Variants in CPA6 observed in about 807,000 individuals in gnomAD.
CPA6 encodes the protein carboxypeptidase A6.
CPA6 carries 58 observed loss-of-function variants against 63.3 expected under a neutral mutation model. The ratio of observed to expected loss-of-function variants is 0.92; its 90% confidence interval spans 0.74 to 1.14. The LOEUF (loss-of-function observed/expected upper bound fraction) is 1.14. CPA6 is among the 50% of genes most tolerant of loss of function. The pLI, the probability that CPA6 is intolerant of heterozygous loss-of-function variation, is 0.00. For missense variants in CPA6, 565 were observed against 526.6 expected (o/e 1.07, Z -0.71); for synonymous variants, 185 against 179.0 (o/e 1.03, Z -0.27).
At chr8:67,487,619 G>C (rs917804725) in intron 6 of CPA6, among the ~76,000 whole-genome samples, 1 of 152,204 alleles carries the variant, frequency 6.6e-6, no homozygotes, top group Non-Finnish European at 1.5e-5. Flanking sequence ...GATCCTTGAG[G>C]AATCGCCACA....
chr8:67,475,829 TTCTTTCTTTC>T (rs1811185227), intron 8 of CPA6, among the ~76,000 whole-genome samples: 1 of 65,196 alleles, frequency 1.5e-5, no homozygotes, highest in Non-Finnish European at 2.9e-5. Flanking sequence ...TTTCTTTTCT[TTCTTTCTTTC>T]TTTCTTTCTT....
At chr8:67,515,652 C>T (rs550228997) in intron 3 of CPA6, among the ~76,000 whole-genome samples, 37 of 152,270 alleles carry the variant, frequency 2.4e-4, no homozygotes, top group African/African-American at 8.4e-4. Flanking sequence ...GTTCCTGCCC[C>T]AGAAGTACAT....
chr8:67,445,303 G>A (rs1810387008), intron 8 of CPA6, among the ~76,000 whole-genome samples: 1 of 152,122 alleles, frequency 6.6e-6, no homozygotes, highest in Admixed American at 6.5e-5. Flanking sequence ...AGAGGGATTT[G>A]ATACGAGAAA....
At chr8:67,568,294 G>A (rs1813393451) in intron 2 of CPA6, among the ~76,000 whole-genome samples, 1 of 152,086 alleles carries the variant, frequency 6.6e-6, no homozygotes, top group Non-Finnish European at 1.5e-5. Context: ...AAAAAACAAT[G>A]AGAAAGCTCC....
chr8:67,736,458 T>C (rs561028820), intron 1 of CPA6, among the ~76,000 whole-genome samples: 1 of 152,338 alleles, frequency 6.6e-6, no homozygotes, highest in South Asian at 2.1e-4. Context: ...ATGAATGATG[T>C]CCTGAATGGC....
intron 8 of CPA6, 114 bp from the exon 9 acceptor site, chr8:67,434,354 A>C: frequency 4.9e-6 from 4 of 814,358 alleles, no homozygotes; most frequent in South Asian, 1.8e-5. Flanking sequence ...ATATGGTATT[A>C]TTAAGCAATT....
At chr8:67,600,043 G>GA (rs1814452685) in intron 2 of CPA6, among the ~76,000 whole-genome samples, 1 of 151,462 alleles carries the variant, frequency 6.6e-6, no homozygotes, top group Non-Finnish European at 1.5e-5. Flanking sequence ...ATGGCACAAG[G>GA]CAATACTTTT....
At chr8:67,462,059 G>A (rs761691795) in intron 8 of CPA6, among the ~76,000 whole-genome samples, 4 of 151,308 alleles carry the variant, frequency 2.6e-5, no homozygotes, top group Non-Finnish European at 5.9e-5. Context: ...TTTTTGAATG[G>A]CCAATGGACA....
At chr8:67,489,225 A>G (rs1046595344) in intron 6 of CPA6, among the ~76,000 whole-genome samples, 10 of 152,094 alleles carry the variant, frequency 6.6e-5, no homozygotes, top group Non-Finnish European at 1.2e-4. Flanking sequence ...GATTACAGGC[A>G]TGAGCTACCA....
chr8:67,513,622 T>C (rs928996893), intron 3 of CPA6, among the ~76,000 whole-genome samples: 14 of 152,296 alleles, frequency 9.2e-5, no homozygotes, highest in African/African-American at 3.1e-4. Context: ...CCCAGGTCTC[T>C]GTTCAGTAAC....
chr8:67,465,392 C>A lies in CPA6; in HGVS notation c.838+18376G>T, dbSNP rs1329255790. Among the ~76,000 whole-genome samples, 4 of 152,090 alleles carry A rather than the reference C, an allele frequency of 2.6e-5. No homozygotes were observed. In the East Asian group the frequency reaches 7.7e-4, roughly 29 times the overall value. ...GAAGTCGTTTATCAGTTCCAGGATG[C>A]TTTTGGTAGAGTCTTTAGAGTTTTC... On this transcript the variant is annotated intron_variant, in intron 8 of 10. Transcript: ENST00000297770.
At chr8:67,674,398 C>T (rs1458302073) in intron 1 of CPA6, among the ~76,000 whole-genome samples, 2 of 152,228 alleles carry the variant, frequency 1.3e-5, no homozygotes, top group Non-Finnish European at 2.9e-5. Flanking sequence ...AACTGAAAAA[C>T]TACTCTTGTC....
At chr8:67,705,662 C>G (rs923468475) in intron 1 of CPA6, among the ~76,000 whole-genome samples, 1 of 152,124 alleles carries the variant, frequency 6.6e-6, no homozygotes, top group African/African-American at 2.4e-5. Flanking sequence ...CTTTAATAGC[C>G]CTGTTTCTCC....
At chr8:67,475,852 TTTCTTTC>T (rs1811192956) in intron 8 of CPA6, among the ~76,000 whole-genome samples, 1 of 97,824 alleles carries the variant, frequency 1.0e-5, no homozygotes, top group African/African-American at 4.3e-5. Context: ...TCTTTCTTTC[TTTCTTTC>T]TTTCTTTCTT....
At chr8:67,431,241 T>C (rs147000033) in intron 9 of CPA6, among the ~76,000 whole-genome samples, 32 of 151,970 alleles carry the variant, frequency 2.1e-4, no homozygotes, top group African/African-American at 6.5e-4. Flanking sequence ...CATTCTCATA[T>C]GATAATTTTT....
chr8:67,432,784 C>G (rs149819120), intron 9 of CPA6, among the ~76,000 whole-genome samples: 50 of 152,242 alleles, frequency 3.3e-4, no homozygotes, highest in Non-Finnish European at 3.8e-4. Flanking sequence ...CTTAAATGAA[C>G]AGGTGATAGT....
chr8:67,444,752 A>G (rs1810375531), intron 8 of CPA6, among the ~76,000 whole-genome samples: 1 of 150,480 alleles, frequency 6.6e-6, no homozygotes. Context: ...ACTCTGGGCA[A>G]CAGAGCGAGA....
chr8:67,720,494 C>T (rs891634843), intron 1 of CPA6, among the ~76,000 whole-genome samples: 1 of 152,108 alleles, frequency 6.6e-6, no homozygotes. Context: ...ACCAATGTCT[C>T]TGAGACAGAG....
chr8:67,642,016 A>C (rs1815602289), intron 1 of CPA6, among the ~76,000 whole-genome samples: 1 of 152,206 alleles, frequency 6.6e-6, no homozygotes. Flanking sequence ...GGAGGAAATT[A>C]TAAAATTTGA....
Sources: allele counts gnomAD v4.1 joint callset (sites outside exome capture counted in the v4.1 genomes callset), GRCh38; gene constraint gnomAD v4.1.1; transcripts MANE v1.5; gene names NCBI Gene and HGNC (gene_info 2026-07-23, HGNC 2026-07-21).